Variants in WDR70 observed in about 807,000 individuals in gnomAD.
WDR70 encodes WD repeat domain 70, also known as WD repeat-containing protein 70.
A neutral mutation model predicts 88.6 loss-of-function variants in WDR70; 53 were observed. The ratio of observed to expected loss-of-function variants is 0.60; its 90% CI spans 0.48 to 0.75. The LOEUF is 0.75. WDR70 is among the 30% of genes least tolerant of loss of function. WDR70 has a pLI of 0.00. For synonymous variants in WDR70, 280 were observed against 270.0 expected (o/e 1.04, Z -0.36); for missense variants, 610 against 823.2 (o/e 0.74, Z 3.17).
chr5:37,580,392 A>G (rs1205682978), intron 9 of WDR70, among the ~76,000 whole-genome samples: 2 of 152,210 alleles, frequency 1.3e-5, no homozygotes, highest in Admixed American at 6.5e-5. Context: ...AGGGCTTCAA[A>G]TCAGCCTGGA....
At chr5:37,678,000 T>G (rs1746291898) in intron 10 of WDR70, among the ~76,000 whole-genome samples, 1 of 152,206 alleles carries the variant, frequency 6.6e-6, no homozygotes, top group Non-Finnish European at 1.5e-5. Context: ...CTTCTTTGTC[T>G]CTTTTGATCT....
At chr5:37,488,622 T>A (rs1739969484) in intron 8 of WDR70, among the ~76,000 whole-genome samples, 1 of 152,044 alleles carries the variant, frequency 6.6e-6, no homozygotes, top group Non-Finnish European at 1.5e-5. Context: ...TTATTTCGTT[T>A]ATTGAATTAT....
chr5:37,677,325 T>G (rs1746260158), intron 10 of WDR70, among the ~76,000 whole-genome samples: 1 of 152,078 alleles, frequency 6.6e-6, no homozygotes, highest in South Asian at 2.1e-4. Context: ...AATTGTGACA[T>G]TAGGGTGTCA....
chr5:37,428,421 A>G (rs182783367), intron 5 of WDR70, among the ~76,000 whole-genome samples: 2 of 152,308 alleles, frequency 1.3e-5, no homozygotes, highest in East Asian at 3.9e-4. Context: ...CTTGCTGTCA[A>G]TCCATTTTTC....
At chr5:37,410,541 G>A (rs1749493573) in intron 5 of WDR70, among the ~76,000 whole-genome samples, 1 of 151,974 alleles carries the variant, frequency 6.6e-6, no homozygotes, top group Admixed American at 6.6e-5. Context: ...ATCATTATTT[G>A]TGTGCTTGTC....
chr5:37,457,556 C>G (rs576413776), intron 7 of WDR70, among the ~76,000 whole-genome samples: 3 of 152,142 alleles, frequency 2.0e-5, no homozygotes, highest in Admixed American at 6.5e-5. Context: ...ACCAAGTAAT[C>G]CACTTTTAGG....
chr5:37,655,285 T>C (rs1228724660), intron 10 of WDR70, among the ~76,000 whole-genome samples: 2 of 152,222 alleles, frequency 1.3e-5, no homozygotes, highest in African/African-American at 4.8e-5. Flanking sequence ...TCTTTTGGCT[T>C]GTAGTGTTTC....
intron 9 of WDR70, among the ~76,000 whole-genome samples, chr5:37,518,262 T>A (rs1013957826): frequency 6.6e-6 from 1 of 152,156 alleles, no homozygotes; most frequent in Non-Finnish European, 1.5e-5. Flanking sequence ...TTGACTATAG[T>A]CACTCTGTTA....
chr5:37,493,965 C>A (rs914325167), intron 8 of WDR70, among the ~76,000 whole-genome samples: 9 of 151,848 alleles, frequency 5.9e-5, no homozygotes, highest in African/African-American at 2.2e-4. Context: ...ATTACAGGTG[C>A]CCACCACCAT....
chr5:37,456,302 G>A (rs1236272264), intron 7 of WDR70, among the ~76,000 whole-genome samples: 2 of 152,172 alleles, frequency 1.3e-5, no homozygotes, highest in African/African-American at 4.8e-5. Flanking sequence ...AGTTGGGTAT[G>A]TAGTGATATG....
intron 9 of WDR70, among the ~76,000 whole-genome samples, chr5:37,549,411 T>TTTAAAA (rs1187595494): frequency 1.2e-4 from 18 of 152,154 alleles, no homozygotes; most frequent in Admixed American, 1.0e-3. Flanking sequence ...GTAAATGAGA[T>TTTAAAA]TTTTAAAAGT....
intron 17 of WDR70, among the ~76,000 whole-genome samples, chr5:37,730,912 A>G (rs773911868): frequency 6.6e-6 from 1 of 152,164 alleles, no homozygotes; most frequent in Non-Finnish European, 1.5e-5. Flanking sequence ...CCTTAGAAGC[A>G]GGCCCTGAGA....
chr5:37,582,098 C>T (rs575073062), intron 9 of WDR70, among the ~76,000 whole-genome samples: 1 of 120,568 alleles, frequency 8.3e-6, no homozygotes, highest in Admixed American at 8.7e-5. Flanking sequence ...TTATTTGTTA[C>T]AGTATTAGTT....
chr5:37,563,729 C>T (rs373662671), intron 9 of WDR70, among the ~76,000 whole-genome samples: 6,615 of 32,394 alleles, frequency 0.2, 1,275 homozygotes, highest in Non-Finnish European at 0.34. Context: ...CCCTCCCAGA[C>T]GGGGTGGCTG....
At chr5:37,621,493 T>C (rs1423354047) in intron 10 of WDR70, among the ~76,000 whole-genome samples, 1 of 152,334 alleles carries the variant, frequency 6.6e-6, no homozygotes, top group African/African-American at 2.4e-5. Flanking sequence ...AAAAGACACA[T>C]TCTCATGTGT....
chr5:37,714,526 A>AGCTTGAG, intron 13 of WDR70, among the ~76,000 whole-genome samples: 1 of 151,344 alleles, frequency 6.6e-6, no homozygotes, highest in East Asian at 2.0e-4. Flanking sequence ...AGAAATGACT[A>AGCTTGAG]GCCCCAGTGC....
At chr5:37,437,870 C>T (rs1750519953) in intron 5 of WDR70, 52 bp from the exon 6 acceptor site, 24 of 1,527,652 alleles carry the variant, frequency 1.6e-5, no homozygotes, top group Middle Eastern at 1.7e-4. Context: ...TTGTGTAGTT[C>T]CCCACAAATA....
intron 3 of WDR70, among the ~76,000 whole-genome samples, chr5:37,382,811 G>C (rs1273507723): frequency 2.6e-5 from 4 of 152,128 alleles, no homozygotes; most frequent in South Asian, 2.1e-4. Flanking sequence ...TCAGGAGTTC[G>C]TGACCAGCCT....
At chr5:37,401,700 C>G (rs1749200162) in intron 5 of WDR70, among the ~76,000 whole-genome samples, 1 of 152,176 alleles carries the variant, frequency 6.6e-6, no homozygotes, top group Non-Finnish European at 1.5e-5. Flanking sequence ...TCAAGCCATC[C>G]TGCCACCTTG....
Sources: gnomAD v4.1 joint callset for allele counts (sites outside exome capture counted in the v4.1 genomes callset) on GRCh38, gnomAD v4.1.1 for gene constraint, MANE v1.5 for transcripts, NCBI Gene and HGNC (gene_info 2026-07-23, HGNC 2026-07-21) for gene names.